Variants in ARHGEF12 observed in about 807,000 individuals in gnomAD.
ARHGEF12 encodes KMT2A/ARHGEF12 fusion protein.
ARHGEF12 carries 66 observed loss-of-function variants against 211.2 expected under a neutral mutation model. The observed-to-expected ratio is 0.31, with a 90% confidence interval of 0.26 to 0.38. ARHGEF12 has a LOEUF of 0.38. ARHGEF12 is among the 10% of genes least tolerant of loss of function. The probability of loss-of-function intolerance (pLI) is 1.00; values close to 1 mark genes in which losing one functional copy is unlikely to be tolerated. For missense variants in ARHGEF12, 1,429 were observed against 1,869.5 expected (o/e 0.76, Z 4.34); for synonymous variants, 592 against 638.4 (o/e 0.93, Z 1.09).
chr11:120,387,750 A>G (rs942387375), intron 1 of ARHGEF12, among the ~76,000 whole-genome samples: 26 of 152,110 alleles, frequency 1.7e-4, no homozygotes, highest in African/African-American at 6.3e-4. Flanking sequence ...AAAAGCAGCA[A>G]AGTTTCTTTT....
chr11:120,443,993 G>T (rs1332841483), intron 15 of ARHGEF12, among the ~76,000 whole-genome samples: 2 of 152,110 alleles, frequency 1.3e-5, no homozygotes, highest in Non-Finnish European at 2.9e-5. Flanking sequence ...GGGGTTCCTA[G>T]AACCGGTACC....
chr11:120,469,302 A>G lies in ARHGEF12; in HGVS notation c.2869A>G (p.Arg957Gly). The G allele has an allele frequency of 6.2e-7, 1 of 1,612,254 alleles. No individual in the cohort carries two copies. Among genetic ancestry groups the G allele is most frequent in the Non-Finnish European group, 8.5e-7 (1 of 1,179,160 alleles). ...IAKYTEWPTE[R>G]EKVKKAADHC... is the part of the protein sequence containing the mutation. ...CCCATATTTAGAATGGCCAACAGAA[A>G]GGGAGAAGGTGAAGAAAGCTGCAGA... is the stretch of plus-strand genomic sequence containing the variant. Residue 957 changes from arginine to glycine, a missense_variant, in exon 30 of 41, where the codon AGG (arginine) becomes GGG (glycine). Physicochemically the swap from Arg to Gly is moderately radical, Grantham distance 125. Transcript: ENST00000397843.
chr11:120,472,094 G>C (rs1946884962), intron 30 of ARHGEF12, among the ~76,000 whole-genome samples: 1 of 151,988 alleles, frequency 6.6e-6, no homozygotes. Context: ...GTGCTAATGT[G>C]GAACAGTCCC....
intron 22 of ARHGEF12, among the ~76,000 whole-genome samples, chr11:120,455,957 GA>G (rs1373888509): frequency 6.6e-6 from 1 of 152,184 alleles, no homozygotes; most frequent in East Asian, 1.9e-4. Context: ...TGGTGTGTAA[GA>G]AAGACTTTAA....
chr11:120,432,049 A>G lies in ARHGEF12; in HGVS notation c.924+138A>G, dbSNP rs1165199018. ...CCCATTTTTAATGTACCAATTTGATAAACAGAAATCTGGTTACTGTTATAT... is the reference window on the plus strand; with the variant it reads ...CCCATTTTTAATGTACCAATTTGATGAACAGAAATCTGGTTACTGTTATAT... On this transcript the variant is annotated intron_variant, in intron 11 of 40. Coordinates refer to ENST00000397843, the MANE Select transcript of ARHGEF12 (RefSeq NM_015313.3). 3.7e-6 allele frequency: 3 copies of G among 802,150 alleles called. No individual in the cohort carries two copies. In the Admixed American group the frequency reaches 1.1e-4, roughly 30 times the overall value. 49.7% of individuals were successfully genotyped at this position (802,150 alleles called of 1,614,324 possible). A position where few individuals can be genotyped will look rare whatever the true frequency, so the allele number is the denominator to read the frequency against.
At chr11:120,373,684 A>G (rs1323329329) in intron 1 of ARHGEF12, among the ~76,000 whole-genome samples, 2 of 152,038 alleles carry the variant, frequency 1.3e-5, no homozygotes, top group East Asian at 1.9e-4. Context: ...TCACCTTTCT[A>G]TGTTTTTTTC....
intron 4 of ARHGEF12, among the ~76,000 whole-genome samples, chr11:120,412,509 C>A (rs1239632726): frequency 2.6e-5 from 4 of 152,210 alleles, no homozygotes; most frequent in Non-Finnish European, 4.4e-5. Flanking sequence ...TCTCACATGG[C>A]CTTTCCTCCG....
chr11:120,370,303 T>C (rs1282648905), intron 1 of ARHGEF12, among the ~76,000 whole-genome samples: 1 of 152,206 alleles, frequency 6.6e-6, no homozygotes, highest in East Asian at 1.9e-4. Flanking sequence ...GTTTCCATTA[T>C]TTGTAGGTTT....
At chr11:120,454,732 C>T (rs1946314955) in intron 22 of ARHGEF12, among the ~76,000 whole-genome samples, 1 of 152,194 alleles carries the variant, frequency 6.6e-6, no homozygotes, top group African/African-American at 2.4e-5. Context: ...GGCCTTAGCT[C>T]CTCACTCATG....
In ARHGEF12 at chr11:120,451,592, G is replaced by A. The variant is rs1267806813; in HGVS notation, c.1924G>A (p.Asp642Asn). Residue 642 changes from aspartate (D) to asparagine (N), a missense_variant, in exon 22 of 41, where the codon GAC (aspartate) becomes AAC (asparagine). By Grantham distance (23) the Asp-to-Asn change is conservative (BLOSUM62 1). Transcript: ENST00000397843. The stretch of plus-strand genomic sequence containing the variant: ...CTCATCTGTGAGTCCTGAACCTCAG[G>A]ACTCTGCCAAGTTGCGCCAGAGTGG... ...TPSSVSPEPQ[D>N]SAKLRQSGLA... The A allele has an allele frequency of 6.2e-7, 1 of 1,614,130 alleles. No individual in the cohort carries two copies. The highest frequency in any genetic ancestry group is 1.7e-5 in the Admixed American group (1 of 60,018).
intron 7 of ARHGEF12, among the ~76,000 whole-genome samples, chr11:120,427,106 G>C (rs1036093621): frequency 2.0e-5 from 3 of 151,950 alleles, no homozygotes; most frequent in East Asian, 1.9e-4. Context: ...TTGATCTCCT[G>C]AACTTGTGAT....
At chr11:120,448,110 T>C in intron 19 of ARHGEF12, 124 bp from the exon 20 acceptor site, 1 of 801,360 alleles carries the variant, frequency 1.2e-6, no homozygotes, top group Non-Finnish European at 2.0e-6. Context: ...TAGTTAGTTC[T>C]TTAGTGTTTG....
At chr11:120,364,508 A>G (rs1487253492) in intron 1 of ARHGEF12, among the ~76,000 whole-genome samples, 1 of 152,232 alleles carries the variant, frequency 6.6e-6, no homozygotes, top group Non-Finnish European at 1.5e-5. Context: ...GTCATTTTAT[A>G]CAAAGAGATC....
chr11:120,446,941 C>T lies in ARHGEF12; in HGVS notation c.1452-7C>T, dbSNP rs1254126634. On this transcript the variant is annotated splice_region_variant and splice_polypyrimidine_tract_variant and intron_variant, in intron 17 of 40. Coordinates refer to ENST00000397843, the MANE Select transcript of ARHGEF12 (RefSeq NM_015313.3). ...GCTACCTCAGGAAACTTCTCTATTC[C>T]CTTCAGGCAGAAACGTAGTATGGGA... The T allele has an allele frequency of 6.2e-7, 1 of 1,612,296 alleles. No homozygotes were observed.
At chr11:120,383,377 T>C (rs1478723903) in intron 1 of ARHGEF12, among the ~76,000 whole-genome samples, 2 of 152,094 alleles carry the variant, frequency 1.3e-5, no homozygotes, top group African/African-American at 4.8e-5. Flanking sequence ...TTCAGGGTGA[T>C]TCAAGCACAT....
chr11:120,407,911 A>G lies in ARHGEF12; in HGVS notation c.142+88A>G, dbSNP rs190597277. Reference sequence around the variant, plus strand: ...TAAGCTACCCGAAACACTCAGGAATAGTTGTTTGATCTGTTTTAGGACTCT... The same window carrying G: ...TAAGCTACCCGAAACACTCAGGAATGGTTGTTTGATCTGTTTTAGGACTCT... On this transcript the variant is annotated intron_variant, in intron 3 of 40. Coordinates refer to ENST00000397843, the MANE Select transcript of ARHGEF12 (RefSeq NM_015313.3). 7.5e-5 allele frequency: 86 copies of G among 1,152,440 alleles called. No homozygotes were observed. In the Admixed American group the frequency reaches 1.6e-3, roughly 21 times the overall value. The allele number at this position is 1,152,440 out of a possible 1,614,324, so 71.4% of individuals were successfully genotyped here. A position where few individuals can be genotyped will look rare whatever the true frequency, so the allele number is the denominator to read the frequency against.
intron 7 of ARHGEF12, among the ~76,000 whole-genome samples, chr11:120,427,716 T>G (rs557852863): frequency 6.6e-6 from 1 of 151,934 alleles, no homozygotes; most frequent in Non-Finnish European, 1.5e-5. Context: ...AAGAAATTAA[T>G]TAAACATAGC....
Position 120,376,687 on chromosome 11 carries a change from G to A in ARHGEF12, c.33-29431G>A, listed in dbSNP as rs188557781. On this transcript the variant is annotated intron_variant, in intron 1 of 40. Transcript: ENST00000397843. ...TATACTCTTCTAGTTATTTTTAAAT[G>A]TACAATAAATTATGGTTGACTGTAA... Among the ~76,000 whole-genome samples, 15 of 151,964 alleles carry A rather than the reference G, an allele frequency of 9.9e-5. No individual in the cohort carries two copies. The East Asian group carries it at 2.9e-3, about 29-fold the overall frequency.
intron 10 of ARHGEF12, among the ~76,000 whole-genome samples, chr11:120,430,958 A>G (rs1945508084): frequency 6.6e-6 from 1 of 152,120 alleles, no homozygotes; most frequent in Non-Finnish European, 1.5e-5. Flanking sequence ...TTACTAGGCA[A>G]ATATAATATT....
Sources: gnomAD v4.1 joint callset for allele counts (sites outside exome capture counted in the v4.1 genomes callset) on GRCh38, gnomAD v4.1.1 for gene constraint, MANE v1.5 for transcripts, NCBI Gene and HGNC (gene_info 2026-07-23, HGNC 2026-07-21) for gene names.